The following TNIK variants were observed in gnomAD, a reference collection of about 807,000 sequenced individuals.
TNIK encodes TRAF2 and NCK interacting kinase.
In TNIK, 49 loss-of-function variants were observed where a neutral mutation model predicts 191.3. That is an observed-to-expected ratio of 0.26 (90% confidence interval 0.20 to 0.32). The LOEUF (loss-of-function observed/expected upper bound fraction) is 0.32. TNIK is among the 10% of genes least tolerant of loss of function. The pLI is 1.00. For synonymous variants in TNIK, 594 were observed against 600.9 expected (o/e 0.99, Z 0.17); for missense variants, 1,155 against 1,702.3 (o/e 0.68, Z 5.66).
chr3:171,215,425 C>G (rs193200044), intron 3 of TNIK, among the ~76,000 whole-genome samples: 1 of 152,086 alleles, frequency 6.6e-6, no homozygotes, highest in Non-Finnish European at 1.5e-5. Context: ...ATTTTACAAA[C>G]GAGTAAAATG....
intron 2 of TNIK, among the ~76,000 whole-genome samples, chr3:171,329,601 G>A (rs1756191867): frequency 6.6e-6 from 1 of 152,130 alleles, no homozygotes. Flanking sequence ...GTGCCCCACT[G>A]ATATTCTAAA....
chr3:171,355,343 G>A (rs532327958), intron 2 of TNIK, among the ~76,000 whole-genome samples: 2 of 152,160 alleles, frequency 1.3e-5, no homozygotes, highest in Non-Finnish European at 2.9e-5. Context: ...GGAATGGAAA[G>A]GTTTTGAAGT....
chr3:171,115,146 T>C (rs1324322286), intron 18 of TNIK, among the ~76,000 whole-genome samples: 3 of 152,238 alleles, frequency 2.0e-5, no homozygotes, highest in Admixed American at 2.0e-4. Context: ...AACGGTAATG[T>C]AGTATTCTTT....
At chr3:171,184,441 C>T (rs759219847) in intron 7 of TNIK, among the ~76,000 whole-genome samples, 11 of 152,250 alleles carry the variant, frequency 7.2e-5, no homozygotes, top group Admixed American at 2.0e-4. Context: ...CAGCATGTTG[C>T]GTGGAGGAGG....
At chr3:171,212,088 T>C (rs979416577) in intron 3 of TNIK, among the ~76,000 whole-genome samples, 1 of 152,148 alleles carries the variant, frequency 6.6e-6, no homozygotes, top group Admixed American at 6.5e-5. Flanking sequence ...GATAATTTTT[T>C]AGGTGCAGCA....
At chr3:171,234,694 G>T (rs550906588) in intron 2 of TNIK, among the ~76,000 whole-genome samples, 4 of 152,282 alleles carry the variant, frequency 2.6e-5, no homozygotes, top group Admixed American at 2.6e-4. Flanking sequence ...CAAAATGGAT[G>T]CTTAAAGGGA....
intron 21 of TNIK, among the ~76,000 whole-genome samples, chr3:171,105,491 G>A (rs533965177): frequency 1.5e-4 from 22 of 149,768 alleles, no homozygotes; most frequent in African/African-American, 4.8e-4. Flanking sequence ...AGGTAGAACC[G>A]CTTTATTTTA....
intron 24 of TNIK, 130 bp downstream of exon 24, chr3:171,087,212 A>G (rs1407770097): frequency 7.8e-7 from 1 of 1,288,534 alleles, no homozygotes; most frequent in African/African-American, 1.5e-5. Flanking sequence ...CTGCATAAGT[A>G]GCTCTATGGT....
intron 1 of TNIK, among the ~76,000 whole-genome samples, chr3:171,410,700 A>G (rs1055484086): frequency 6.9e-6 from 1 of 144,328 alleles, no homozygotes; most frequent in Admixed American, 7.2e-5. Flanking sequence ...AATGGCATGA[A>G]CCCGGGAGGT....
intron 7 of TNIK, among the ~76,000 whole-genome samples, chr3:171,183,976 A>G (rs1389092620): frequency 1.3e-5 from 2 of 151,352 alleles, no homozygotes; most frequent in Non-Finnish European, 2.9e-5. Flanking sequence ...ATATGATAAC[A>G]TAAACACAAA....
chr3:171,324,111 TCCCAAGCAGAACGTCA>T (rs1755483236), intron 2 of TNIK, among the ~76,000 whole-genome samples: 1 of 149,246 alleles, frequency 6.7e-6, no homozygotes, highest in South Asian at 2.1e-4. Context: ...AGCTGGTCAT[TCCCAAGCAGAACGTCA>T]CCCAAATAAA....
chr3:171,332,689 G>T (rs369234187), intron 2 of TNIK, among the ~76,000 whole-genome samples: 20 of 152,318 alleles, frequency 1.3e-4, no homozygotes, highest in African/African-American at 4.8e-4. Flanking sequence ...AAGGCCAGGT[G>T]CATTCACCCA....
intron 1 of TNIK, among the ~76,000 whole-genome samples, chr3:171,389,548 G>A (rs182057947): frequency 1.1e-3 from 166 of 152,242 alleles, no homozygotes; most frequent in African/African-American, 3.9e-3. Flanking sequence ...CACCTGGGAG[G>A]ACATAATCTT....
intron 1 of TNIK, among the ~76,000 whole-genome samples, chr3:171,372,778 C>A (rs985946509): frequency 2.6e-5 from 4 of 152,204 alleles, no homozygotes; most frequent in Non-Finnish European, 5.9e-5. Flanking sequence ...CAGTGGAGAA[C>A]TGAGCTCTGT....
intron 7 of TNIK, among the ~76,000 whole-genome samples, chr3:171,179,861 G>A (rs1239732709): frequency 6.6e-6 from 1 of 152,202 alleles, no homozygotes; most frequent in Non-Finnish European, 1.5e-5. Context: ...AGCAATAATA[G>A]TCTGGAAATG....
chr3:171,447,356 A>G (rs1318731538), intron 1 of TNIK, among the ~76,000 whole-genome samples: 2 of 152,194 alleles, frequency 1.3e-5, no homozygotes, highest in Non-Finnish European at 2.9e-5. Flanking sequence ...CTTACAAAAC[A>G]AAGTTACAAG....
intron 11 of TNIK, among the ~76,000 whole-genome samples, chr3:171,160,393 C>T (rs984789671): frequency 8.5e-5 from 13 of 152,094 alleles, no homozygotes; most frequent in Admixed American, 5.9e-4. Context: ...GGTCAGAAAG[C>T]TCTCCCTCAG....
At chr3:171,194,697 G>C (rs1326428025) in intron 4 of TNIK, 62 bp from the exon 5 acceptor site, 11 of 1,482,656 alleles carry the variant, frequency 7.4e-6, no homozygotes, top group Non-Finnish European at 1.0e-5. Flanking sequence ...ATTAAGTTGG[G>C]GTAAGAAAGC....
intron 9 of TNIK, among the ~76,000 whole-genome samples, chr3:171,173,001 T>C (rs9876465): frequency 0.98 from 149,052 of 152,270 alleles, 72,961 homozygotes; most frequent in East Asian, 1. Flanking sequence ...CGGTGAAAAC[T>C]GACACTGTAG....
Sources: gnomAD v4.1 joint callset for allele counts (sites outside exome capture counted in the v4.1 genomes callset) on GRCh38, gnomAD v4.1.1 for gene constraint, MANE v1.5 for transcripts, NCBI Gene and HGNC (gene_info 2026-07-23, HGNC 2026-07-21) for gene names.